The following ADCY10 variants were observed in gnomAD, a reference collection of about 807,000 sequenced individuals.
ADCY10 encodes the protein adenylate cyclase type 10.
In ADCY10, 156 loss-of-function variants were observed where a neutral mutation model predicts 183.3. The observed-to-expected ratio is 0.85, with a 90% CI of 0.75 to 0.97. The LOEUF (loss-of-function observed/expected upper bound fraction) is 0.97. Among genes scored for constraint, ADCY10 ranks in the 50% least tolerant of loss-of-function variants. The probability of loss-of-function intolerance (pLI) is 0.00; values close to 1 mark genes in which losing one functional copy is unlikely to be tolerated. For missense variants in ADCY10, 1,745 were observed against 1,934.3 expected, an observed-to-expected ratio of 0.90 and a Z score of 1.84; for synonymous variants, 645 against 670.0, an observed-to-expected ratio of 0.96 and a Z score of 0.58.
chr1:167,903,912 G>C lies in ADCY10; in HGVS notation c.228C>G (p.Asn76Lys). 1 of 1,613,318 alleles carries C rather than the reference G, an allele frequency of 6.2e-7. No homozygotes were observed. The highest frequency in any genetic ancestry group is 2.2e-5 in the East Asian group (1 of 44,868). ...RGAEQLVEIL[N>K]YHISAIVEKV... ...TCTCCACTATTGCACTTATGTGGTA[G>C]TTGAGGATCTCCACCAACTGCTCAG... Residue 76 changes from asparagine to lysine, a missense_variant, in exon 3 of 33, where the codon AAC (asparagine) becomes AAG (lysine). Transcript: ENST00000367851.
At chr1:167,868,521 G>T (rs1666858605) in intron 14 of ADCY10, among the ~76,000 whole-genome samples, 1 of 152,094 alleles carries the variant, frequency 6.6e-6, no homozygotes, top group Non-Finnish European at 1.5e-5. Context: ...TTCCAAAGTT[G>T]CAGACCGTTT....
intron 31 of ADCY10, among the ~76,000 whole-genome samples, chr1:167,812,667 C>T (rs886547986): frequency 3.4e-4 from 51 of 152,072 alleles, no homozygotes; most frequent in African/African-American, 9.9e-4. Context: ...TCAAGAGAAA[C>T]TGTCCCTGAA....
At chr1:167,884,761 G>C (rs571832574) in intron 8 of ADCY10, among the ~76,000 whole-genome samples, 2 of 148,150 alleles carry the variant, frequency 1.3e-5, no homozygotes, top group Non-Finnish European at 3.0e-5. Context: ...GCAGTGGCGC[G>C]ATCTCGGCTC....
intron 17 of ADCY10, among the ~76,000 whole-genome samples, chr1:167,855,454 T>C (rs1665823647): frequency 6.6e-6 from 1 of 152,236 alleles, no homozygotes; most frequent in South Asian, 2.1e-4. Context: ...AGAACACCAA[T>C]ACCAGACCAC....
chr1:167,826,715 G>T (rs533608147), intron 26 of ADCY10, among the ~76,000 whole-genome samples: 3 of 152,182 alleles, frequency 2.0e-5, no homozygotes, highest in African/African-American at 7.2e-5. Flanking sequence ...TTACACACTG[G>T]TAAGGGAGAG....
At chr1:167,832,861 G>A in intron 25 of ADCY10, 126 bp downstream of exon 25, 1 of 980,312 alleles carries the variant, frequency 1.0e-6, no homozygotes, top group Non-Finnish European at 1.6e-6. Context: ...CCCAGTGAAT[G>A]GTCAGAGCCA....
At chr1:167,830,519 G>A (rs768040019) in intron 25 of ADCY10, among the ~76,000 whole-genome samples, 3 of 152,002 alleles carry the variant, frequency 2.0e-5, no homozygotes, top group Admixed American at 6.6e-5. Context: ...AGCCTCCCCA[G>A]TAGCTGGGAT....
chr1:167,883,940 A>T (rs1031101948), intron 8 of ADCY10, among the ~76,000 whole-genome samples: 2 of 152,102 alleles, frequency 1.3e-5, no homozygotes, highest in Admixed American at 1.3e-4. Context: ...TGGCTCTCCT[A>T]TTTTTAAAAA....
intron 1 of ADCY10, among the ~76,000 whole-genome samples, chr1:167,912,537 A>T (rs918918801): frequency 6.6e-6 from 1 of 152,216 alleles, no homozygotes; most frequent in African/African-American, 2.4e-5. Context: ...CAATCCCCTG[A>T]ACCCTATGCA....
At chr1:167,858,229 G>A (rs1335735951) in intron 16 of ADCY10, among the ~76,000 whole-genome samples, 1 of 152,100 alleles carries the variant, frequency 6.6e-6, no homozygotes, top group African/African-American at 2.4e-5. Context: ...GCCAGGTGTG[G>A]TGGCTCACAC....
chr1:167,911,150 T>C (rs938853230), intron 1 of ADCY10, among the ~76,000 whole-genome samples: 1 of 152,156 alleles, frequency 6.6e-6, no homozygotes, highest in African/African-American at 2.4e-5. Flanking sequence ...TAAGAATGAG[T>C]GTTCAAACTG....
intron 29 of ADCY10, among the ~76,000 whole-genome samples, 168 bp from the exon 30 acceptor site, chr1:167,822,309 T>C (rs1662963665): frequency 6.6e-6 from 1 of 152,290 alleles, no homozygotes; most frequent in East Asian, 1.9e-4. Context: ...GATTGCCCTG[T>C]GTTTGCTGAG....
At position 167,880,594 on chromosome 1, in the gene ADCY10, A is replaced by C; in HGVS notation, c.1036T>G (p.Cys346Gly). The C allele has an allele frequency of 1.2e-6, 2 of 1,613,576 alleles. No homozygotes were observed. The highest frequency in any genetic ancestry group is 1.7e-6 in the Non-Finnish European group (2 of 1,179,492). Residue 346 changes from cysteine (C) to glycine (G), a missense_variant, in exon 10 of 33, where the codon TGT becomes GGT. By Grantham distance (159) the Cys-to-Gly change is radical (BLOSUM62 -3). Transcript: ENST00000367851. ...FMFDKGCSFL[C>G]VFGFPGEKVP... ...TTTTCCCCAGGGAAGCCAAAGACAC[A>C]GAGGAAAGAGCAGCCCTGTGAGGGA...
intron 23 of ADCY10, 95 bp downstream of exon 23, chr1:167,836,214 G>GTGA: frequency 1.2e-6 from 1 of 806,004 alleles, no homozygotes; most frequent in Non-Finnish European, 2.2e-6. Flanking sequence ...AATATACAAC[G>GTGA]TGAAGTAATC....
At chr1:167,843,293 C>T (rs888782964) in intron 21 of ADCY10, among the ~76,000 whole-genome samples, 1 of 152,036 alleles carries the variant, frequency 6.6e-6, no homozygotes. Flanking sequence ...TATTTTATCC[C>T]CCAAAATAAA....
At chr1:167,910,781 G>A (rs188627870) in intron 1 of ADCY10, among the ~76,000 whole-genome samples, 62 of 152,286 alleles carry the variant, frequency 4.1e-4, no homozygotes, top group Admixed American at 1.3e-3. Context: ...TGAGCAGGGC[G>A]TAGCTCTATT....
intron 7 of ADCY10, 45 bp downstream of exon 7, chr1:167,896,550 G>C (rs1668989289): frequency 6.9e-7 from 1 of 1,457,680 alleles, no homozygotes. Context: ...AGACCCTACT[G>C]ACCACTGGTA....
rs756692030 is a variant in ADCY10 at position 167,893,903 on chromosome 1, C to G, written c.778G>C (p.Glu260Gln). The G allele has an allele frequency of 3.1e-6, 5 of 1,613,514 alleles. No homozygotes were observed. The highest frequency in any genetic ancestry group is 4.2e-6 in the Non-Finnish European group (5 of 1,179,720). ...TACTTTTGTAGGGACATCTCCAGTT[C>G]AGGATCAGGCTTCAGCGTGCATGCA... ...RLACTLKPDP[E>Q]LEMSLQKYVM... Residue 260 changes from glutamate to glutamine, a missense_variant, in exon 8 of 33, where the codon GAA becomes CAA. Physicochemically the swap from Glu to Gln is conservative, Grantham distance 29 (BLOSUM62 2). Coordinates refer to ENST00000367851, the MANE Select transcript of ADCY10 (RefSeq NM_018417.6).
intron 15 of ADCY10, 59 bp from the exon 16 acceptor site, chr1:167,859,952 T>G (rs1666176321): frequency 7.7e-7 from 1 of 1,306,980 alleles, no homozygotes; most frequent in African/African-American, 1.5e-5. Context: ...AACTACTGGC[T>G]ATGCAACTTT....
Sources: allele counts gnomAD v4.1 joint callset (sites outside exome capture counted in the v4.1 genomes callset), GRCh38; gene constraint gnomAD v4.1.1; transcripts MANE v1.5; gene names NCBI Gene and HGNC (gene_info 2026-07-23, HGNC 2026-07-21).